Variants in RFX2 observed in about 807,000 individuals in gnomAD.
The protein encoded by RFX2 is regulatory factor X2.
RFX2 carries 20 observed loss-of-function variants against 87.8 expected under a neutral mutation model. The ratio of observed to expected loss-of-function variants is 0.23; its 90% CI spans 0.16 to 0.33. The LOEUF is 0.33. Among genes scored for constraint, RFX2 ranks in the 10% least tolerant of loss-of-function variants. The probability of loss-of-function intolerance (pLI) is 1.00; values close to 1 mark genes in which losing one functional copy is unlikely to be tolerated. For synonymous variants in RFX2, 397 were observed against 431.3 expected, an observed-to-expected ratio of 0.92 and a Z score of 0.98; for missense variants, 767 against 1,012.3, an observed-to-expected ratio of 0.76 and a Z score of 3.29.
chr19:6,051,610 AAAG>A (rs2087267019), intron 1 of RFX2, among the ~76,000 whole-genome samples: 1 of 151,988 alleles, frequency 6.6e-6, no homozygotes, highest in Admixed American at 6.5e-5. Flanking sequence ...GGCAAGAAAT[AAAG>A]AACAGAGAAA....
chr19:6,035,850 G>GGGTGTGTGTGT (rs1555776252), intron 5 of RFX2, among the ~76,000 whole-genome samples: 26 of 137,248 alleles, frequency 1.9e-4, no homozygotes, highest in African/African-American at 7.5e-4. Flanking sequence ...CTTGGTGGGG[G>GGGTGTGTGTGT]GTGTGTGTGT....
intron 1 of RFX2, among the ~76,000 whole-genome samples, chr19:6,048,795 T>C (rs975852463): frequency 7.9e-5 from 12 of 152,204 alleles, no homozygotes; most frequent in Admixed American, 6.5e-4. Flanking sequence ...GAAAGGGATA[T>C]GTGTGTTTGA....
At chr19:6,106,741 G>A (rs2088223264) in intron 1 of RFX2, among the ~76,000 whole-genome samples, 1 of 151,124 alleles carries the variant, frequency 6.6e-6, no homozygotes, top group African/African-American at 2.4e-5. Flanking sequence ...GGGTACCTAT[G>A]GGGGTATACT....
At position 6,045,854 on chromosome 19, in the gene RFX2, AT is replaced by A. The variant is rs1379649169; in HGVS notation, c.90+1552del. On this transcript the variant is annotated intron_variant, in intron 2 of 17. Transcript: ENST00000303657. This position sits in a 1 kb window ranked among gnomAD's most constrained non-coding sequence, Gnocchi z 5.2. The stretch of plus-strand genomic sequence containing the variant: ...GCTCGGCTAATTTATTATTATTATT[AT>A]TTTTTGTATTTAGTAGACACAGGGT... 6.6e-6 allele frequency among the ~76,000 whole-genome samples: 1 copy of A among 151,770 alleles called. No homozygotes were observed. The highest frequency in any genetic ancestry group is 1.5e-5 in the Non-Finnish European group (1 of 67,948).
intron 1 of RFX2, among the ~76,000 whole-genome samples, chr19:6,075,675 G>A (rs1306986637): frequency 1.3e-5 from 2 of 152,184 alleles, no homozygotes; most frequent in Non-Finnish European, 2.9e-5. Flanking sequence ...AGAGACAAGT[G>A]TGAGGTCGAA....
Position 6,005,061 on chromosome 19 carries a change from G to T in RFX2, c.1403-763C>A, listed in dbSNP as rs115099377. Among the ~76,000 whole-genome samples, 1,512 of 152,268 alleles carry T rather than the reference G, an allele frequency of 9.9e-3. 27 individuals are homozygous for T. Among genetic ancestry groups the T allele is most frequent in the African/African-American group, 0.035 (1,454 of 41,526 alleles). On this transcript the variant is annotated intron_variant, in intron 12 of 17. Transcript: ENST00000303657. Reference sequence around the variant, plus strand: ...TTGAACCCAGGAGGCAAAGACTGCAGTGAGCCTCCTGCAATCCAGCCTGAG... The same window carrying T: ...TTGAACCCAGGAGGCAAAGACTGCATTGAGCCTCCTGCAATCCAGCCTGAG...
At chr19:6,057,374 G>T (rs1406112872) in intron 1 of RFX2, 1 of 152,368 alleles carries the variant, frequency 6.6e-6, no homozygotes, top group South Asian at 2.1e-4. Context: ...GTCAGGAAAG[G>T]AAATGCAGAA....
intron 1 of RFX2, among the ~76,000 whole-genome samples, chr19:6,085,475 T>G (rs1568190918): frequency 6.6e-6 from 1 of 152,248 alleles, no homozygotes. Flanking sequence ...AAAATTTTTT[T>G]GCTGAGTTAC....
intron 2 of RFX2, among the ~76,000 whole-genome samples, chr19:6,046,921 G>T (rs530695837): frequency 6.7e-6 from 1 of 149,092 alleles, no homozygotes; most frequent in South Asian, 2.1e-4. Context: ...AGCCCACCAC[G>T]CTTGGCTAAT....
intron 1 of RFX2, among the ~76,000 whole-genome samples, chr19:6,062,055 G>C (rs1005340312): frequency 2.0e-5 from 3 of 152,118 alleles, no homozygotes; most frequent in African/African-American, 4.8e-5. Context: ...CCAGCACTTT[G>C]GGAGGTTGAG....
intron 1 of RFX2, among the ~76,000 whole-genome samples, chr19:6,076,760 T>C (rs2087698601): frequency 6.6e-6 from 1 of 152,256 alleles, no homozygotes; most frequent in South Asian, 2.1e-4. Flanking sequence ...AAAGCAGTTA[T>C]GCTGTTTGCT....
At chr19:6,060,239 C>T (rs1246568912) in intron 1 of RFX2, among the ~76,000 whole-genome samples, 1 of 152,198 alleles carries the variant, frequency 6.6e-6, no homozygotes, top group African/African-American at 2.4e-5. Context: ...CTTGCATCTT[C>T]AACTCCCATT....
In RFX2 at chr19:5,994,716, G is replaced by A. The variant is rs961344008; in HGVS notation, c.*119C>T. On this transcript the variant is annotated 3_prime_UTR_variant, in exon 18 of 18. Coordinates refer to ENST00000303657, the MANE Select transcript of RFX2 (RefSeq NM_000635.4). ...ACTGACCCCGGGAGCCCCCGCTTGA[G>A]TCAAAGTAAACATCACATCATCTAA... 2.9e-6 allele frequency: 2 copies of A among 684,726 alleles called. No individual in the cohort carries two copies. The highest frequency in any genetic ancestry group is 3.8e-4 in the Middle Eastern group (1 of 2,606). The allele number at this position is 684,726 out of a possible 1,614,324, so 42.4% of individuals were successfully genotyped here.
chr19:6,073,258 A>T (rs939267622), intron 1 of RFX2: 40 of 720,070 alleles, frequency 5.6e-5, no homozygotes, highest in Non-Finnish European at 9.3e-5. Context: ...GGGATTACAG[A>T]CATGAGCCAC....
chr19:6,081,653 AT>A, intron 1 of RFX2, among the ~76,000 whole-genome samples: 1 of 152,358 alleles, frequency 6.6e-6, no homozygotes, highest in East Asian at 1.9e-4. Flanking sequence ...AAACAGGTAC[AT>A]ATAAAGGTAG....
intron 1 of RFX2, among the ~76,000 whole-genome samples, chr19:6,079,502 T>C (rs1286671809): frequency 6.6e-6 from 1 of 152,316 alleles, no homozygotes; most frequent in Non-Finnish European, 1.5e-5. Flanking sequence ...GGACAGCAGA[T>C]GGTGGCCAGA....
intron 12 of RFX2, among the ~76,000 whole-genome samples, chr19:6,005,942 A>C (rs1352222935): frequency 6.6e-6 from 1 of 152,182 alleles, no homozygotes; most frequent in Non-Finnish European, 1.5e-5. Context: ...CCTCCCGCAC[A>C]GTGACGGCTC....
rs564963409 is a variant in RFX2 at position 5,998,419 on chromosome 19, A to G, written c.1860-1206T>C. On this transcript the variant is annotated intron_variant, in intron 15 of 17. Transcript: ENST00000303657. The surrounding 1 kb of genome is among the most constrained non-coding windows in gnomAD (Gnocchi z 4.2). ...TGGCCTACAAGCCAGGCGGCCCCCA[A>G]TGCCCAACTGCCCCGGCTCGAAGTA... Among the ~76,000 whole-genome samples, 9 of 152,326 alleles carry G rather than the reference A, an allele frequency of 5.9e-5. No individual in the cohort carries two copies. In the South Asian group the frequency reaches 6.2e-4, roughly 11 times the overall value.
At chr19:6,085,410 C>A (rs1342775943) in intron 1 of RFX2, among the ~76,000 whole-genome samples, 3 of 152,226 alleles carry the variant, frequency 2.0e-5, no homozygotes, top group Non-Finnish European at 4.4e-5. Flanking sequence ...TATTGGCCAT[C>A]TGAATATCTT....
Sources: allele counts gnomAD v4.1 joint callset (sites outside exome capture counted in the v4.1 genomes callset), GRCh38; gene constraint gnomAD v4.1.1; non-coding constraint Gnocchi (gnomAD v3.1); transcripts MANE v1.5; gene names NCBI Gene and HGNC (gene_info 2026-07-23, HGNC 2026-07-21).